PTGER3: variants seen among roughly 807,000 people sequenced by gnomAD.
The protein encoded by PTGER3 is prostaglandin E2 receptor EP3 subtype.
A neutral mutation model predicts 34.7 loss-of-function variants in PTGER3; 22 were observed. The ratio of observed to expected loss-of-function variants is 0.63; its 90% confidence interval spans 0.45 to 0.91. The LOEUF is 0.91. PTGER3 is among the 40% of genes least tolerant of loss of function. The pLI, the probability that PTGER3 is intolerant of heterozygous loss-of-function variation, is 0.00. For missense variants in PTGER3, 468 were observed against 519.4 expected (o/e 0.90, Z 0.96); for synonymous variants, 241 against 230.1 (o/e 1.05, Z -0.43).
chr1:71,011,914 G>A lies in PTGER3; in HGVS notation c.1077+391C>T, dbSNP rs1022005843. 170 of 1,147,086 alleles carry A rather than the reference G, an allele frequency of 1.5e-4. 1 individual carries two copies. In the Middle Eastern group the frequency reaches 3.0e-3, roughly 20 times the overall value. 71.1% of individuals were successfully genotyped at this position (1,147,086 alleles called of 1,614,324 possible). On this transcript the variant is annotated intron_variant, in intron 2 of 3. Coordinates refer to ENST00000306666, the MANE Select transcript of PTGER3 (RefSeq NM_198719.2). ...GTGTACTGGAATATTAACTATCCCC[G>A]CTCCCCAATAGACCAAGATCATTTA...
At chr1:70,892,911 C>A (rs977794372) in intron 4 of PTGER3, among the ~76,000 whole-genome samples, 1 of 151,314 alleles carries the variant, frequency 6.6e-6, no homozygotes, top group Non-Finnish European at 1.5e-5. Flanking sequence ...CTTCCTAGCA[C>A]GTAAAATAAT....
intron 4 of PTGER3, among the ~76,000 whole-genome samples, chr1:70,926,710 A>C (rs973947993): frequency 5.9e-5 from 9 of 151,940 alleles, no homozygotes; most frequent in African/African-American, 2.2e-4. Context: ...AGAACTTCCA[A>C]CACTATGTTG....
exon 4 of PTGER3, chr1:70,953,003 T>G: frequency 6.2e-7 from 1 of 1,612,120 alleles, no homozygotes; most frequent in South Asian, 1.1e-5. Flanking sequence ...AGGTTTGTAC[T>G]TGCCCACAAT....
chr1:70,856,440 C>CA (rs34715178), intron 4 of PTGER3, among the ~76,000 whole-genome samples: 32,950 of 82,616 alleles, frequency 0.4, 5,453 homozygotes, highest in Middle Eastern at 0.47. Context: ...AACTTCATCT[C>CA]AAAAAAAAAA....
intron 2 of PTGER3, chr1:71,006,901 T>C: frequency 1.0e-6 from 1 of 985,398 alleles, no homozygotes; most frequent in Non-Finnish European, 1.2e-6. Context: ...AAACACGACA[T>C]AAATAACACA....
chr1:70,983,101 C>T (rs1422750348), intron 2 of PTGER3, among the ~76,000 whole-genome samples: 1 of 151,838 alleles, frequency 6.6e-6, no homozygotes, highest in Non-Finnish European at 1.5e-5. Flanking sequence ...GAGAGGACAG[C>T]CACCTAGAGA....
At chr1:70,937,984 T>G (rs1413901041) in intron 4 of PTGER3, among the ~76,000 whole-genome samples, 1 of 152,180 alleles carries the variant, frequency 6.6e-6, no homozygotes, top group Non-Finnish European at 1.5e-5. Context: ...AGATGAAATA[T>G]GACATTTTGG....
At chr1:70,880,513 A>G (rs990261425) in intron 4 of PTGER3, among the ~76,000 whole-genome samples, 1 of 151,556 alleles carries the variant, frequency 6.6e-6, no homozygotes, top group African/African-American at 2.4e-5. Context: ...AACATGGTGA[A>G]ACCCCATCTC....
rs528783025 is a variant in PTGER3 at position 70,856,251 on chromosome 1, T to C, written c.*24-3392A>G. Among the ~76,000 whole-genome samples, 3 of 152,080 alleles carry C rather than the reference T, an allele frequency of 2.0e-5. No individual in the cohort carries two copies. In the East Asian group the frequency reaches 5.8e-4, roughly 29 times the overall value. On this transcript the variant is annotated intron_variant, in intron 4 of 4. Transcript: ENST00000370931. Reference sequence around the variant, plus strand: ...AGCCAAGATAACTCATTAGCTTTTATACAATGTGATTATTGAAGACATAAA... The same window carrying C: ...AGCCAAGATAACTCATTAGCTTTTACACAATGTGATTATTGAAGACATAAA...
chr1:71,047,475 C>G lies in PTGER3; in HGVS notation c.103G>C (p.Gly35Arg). 1 of 1,608,706 alleles carries G rather than the reference C, an allele frequency of 6.2e-7. No individual in the cohort carries two copies. Among genetic ancestry groups the G allele is most frequent in the Non-Finnish European group, 8.5e-7 (1 of 1,178,610 alleles). The change falls in exon 1 of 4, where the codon GGC becomes CGC. Residue 35 changes from glycine (G) to arginine (R), a missense_variant. Transcript: ENST00000306666. ...GACCCTGGAGGGCGCGTGAGGTTGC[C>G]CCGCGCCTCGGCGGAACGCTCGGGC... ...WAPERSAEAR[G>R]NLTRPPGSGE...
intron 4 of PTGER3, among the ~76,000 whole-genome samples, chr1:70,870,405 G>A (rs188704268): frequency 3.9e-5 from 6 of 152,228 alleles, no homozygotes; most frequent in South Asian, 2.1e-4. Flanking sequence ...CTATTGTCTC[G>A]GCTATTAGCA....
In PTGER3 at chr1:70,963,106, A is replaced by C. The variant is rs560108145; in HGVS notation, c.1078-9317T>G. On this transcript the variant is annotated intron_variant, in intron 2 of 3. Transcript: ENST00000356595. Reference sequence around the variant, plus strand: ...AGGCAGTCAAAGCTTAAAGCTCCAAAATGATCTCCTTTGACTCCATGTCTC... The same window carrying C: ...AGGCAGTCAAAGCTTAAAGCTCCAACATGATCTCCTTTGACTCCATGTCTC... Among the ~76,000 whole-genome samples, 101 of 152,292 alleles carry C rather than the reference A, an allele frequency of 6.6e-4. 2 individuals carry two copies. The highest frequency in any genetic ancestry group is 3.5e-3 in the Admixed American group (54 of 15,306).
At chr1:71,001,986 AG>A (rs1656534879) in intron 2 of PTGER3, among the ~76,000 whole-genome samples, 1 of 152,136 alleles carries the variant, frequency 6.6e-6, no homozygotes, top group Non-Finnish European at 1.5e-5. Flanking sequence ...CTGGGTGCAA[AG>A]CCTCATACCT....
At chr1:71,034,246 T>C (rs1659638127) in intron 1 of PTGER3, among the ~76,000 whole-genome samples, 1 of 152,214 alleles carries the variant, frequency 6.6e-6, no homozygotes, top group African/African-American at 2.4e-5. Context: ...TTAAAGTTTT[T>C]AAACCTAATA....
intron 1 of PTGER3, among the ~76,000 whole-genome samples, chr1:71,034,346 T>G (rs1334795061): frequency 6.6e-5 from 10 of 152,332 alleles, no homozygotes; most frequent in Middle Eastern, 3.4e-3. Flanking sequence ...TAACAGGTAT[T>G]TTATAAGATG....
At position 70,985,047 on chromosome 1, in the gene PTGER3, G is replaced by A. The variant is rs569721836; in HGVS notation, c.1078-10659C>T. ...GAGCTAATGCCAACTTCAGCAGCAG[G>A]AGGAAACCTTTGCAAGGAAGGGCCT... On this transcript the variant is annotated intron_variant, in intron 2 of 3. Transcript: ENST00000306666. Among the ~76,000 whole-genome samples, 241 of 152,264 alleles carry A rather than the reference G, an allele frequency of 1.6e-3. 4 individuals carry two copies. Among genetic ancestry groups the A allele is most frequent in the African/African-American group, 5.4e-3 (224 of 41,538 alleles).
chr1:70,932,669 C>A (rs1413199133), intron 4 of PTGER3, among the ~76,000 whole-genome samples: 1 of 152,102 alleles, frequency 6.6e-6, no homozygotes, highest in Non-Finnish European at 1.5e-5. Flanking sequence ...GGAAATTGCA[C>A]CCATGATTTA....
intron 1 of PTGER3, among the ~76,000 whole-genome samples, chr1:71,018,327 C>T (rs1162527576): frequency 6.6e-6 from 1 of 152,154 alleles, no homozygotes; most frequent in Non-Finnish European, 1.5e-5. Context: ...CATTCTAACT[C>T]CTGTCCCAAT....
intron 1 of PTGER3, among the ~76,000 whole-genome samples, chr1:71,019,561 ACCTT>A (rs1658215558): frequency 6.6e-6 from 1 of 152,132 alleles, no homozygotes; most frequent in Non-Finnish European, 1.5e-5. Flanking sequence ...AAGTACAATT[ACCTT>A]GTTCCATCCT....
Sources: allele counts gnomAD v4.1 joint callset (sites outside exome capture counted in the v4.1 genomes callset), GRCh38; gene constraint gnomAD v4.1.1; transcripts MANE v1.5; gene names NCBI Gene and HGNC (gene_info 2026-07-23, HGNC 2026-07-21).